KIF16B: variants seen among roughly 807,000 people sequenced by gnomAD.
KIF16B encodes the protein kinesin family member 16B.
KIF16B carries 98 observed loss-of-function variants against 156.3 expected under a neutral mutation model. The observed-to-expected ratio is 0.63, with a 90% CI of 0.53 to 0.74. The LOEUF is 0.74. Ranked by LOEUF, KIF16B falls within the 30% of genes least tolerant of loss-of-function variation. The pLI is 0.00. For missense variants in KIF16B, 1,421 were observed against 1,606.5 expected (o/e 0.88, Z 1.97); for synonymous variants, 564 against 583.7 (o/e 0.97, Z 0.49).
intron 1 of KIF16B, among the ~76,000 whole-genome samples, chr20:16,557,792 C>G (rs561588262): frequency 1.3e-5 from 2 of 152,092 alleles, no homozygotes; most frequent in African/African-American, 4.8e-5. Flanking sequence ...TGTTTGTTTC[C>G]GCTAAAATCC....
intron 25 of KIF16B, among the ~76,000 whole-genome samples, chr20:16,277,417 A>G (rs960154957): frequency 1.3e-5 from 2 of 150,838 alleles, no homozygotes; most frequent in Admixed American, 6.6e-5. Context: ...CTCAAATCTA[A>G]GCTTAGCCAA....
At chr20:16,495,084 G>C (rs968474999) in intron 11 of KIF16B, among the ~76,000 whole-genome samples, 9 of 152,174 alleles carry the variant, frequency 5.9e-5, no homozygotes, top group Non-Finnish European at 1.2e-4. Context: ...TGATATTTGA[G>C]AGGTAGAAAA....
At chr20:16,559,508 C>T (rs751313162) in intron 1 of KIF16B, among the ~76,000 whole-genome samples, 1 of 152,184 alleles carries the variant, frequency 6.6e-6, no homozygotes, top group Non-Finnish European at 1.5e-5. Context: ...CTGTTTATGC[C>T]TGTAATCCCC....
intron 16 of KIF16B, 45 bp from the exon 17 acceptor site, chr20:16,404,946 A>C (rs1467086511): frequency 7.3e-7 from 1 of 1,369,150 alleles, no homozygotes; most frequent in East Asian, 2.3e-5. Context: ...GCAGAGAAGA[A>C]AAGGCCACTG....
intron 1 of KIF16B, among the ~76,000 whole-genome samples, chr20:16,531,112 TGCTGCCCAAA>T (rs1457910154): frequency 6.6e-6 from 1 of 152,206 alleles, no homozygotes; most frequent in East Asian, 1.9e-4. Context: ...CATAAGTTCC[TGCTGCCCAAA>T]GTTGAGAAAT....
chr20:16,304,795 A>G (rs2063519097), intron 25 of KIF16B, among the ~76,000 whole-genome samples: 1 of 152,196 alleles, frequency 6.6e-6, no homozygotes. Context: ...TTACTTTGAA[A>G]CCAAAAAGGC....
intron 1 of KIF16B, among the ~76,000 whole-genome samples, chr20:16,535,489 C>G (rs942202054): frequency 6.6e-6 from 1 of 152,134 alleles, no homozygotes; most frequent in Non-Finnish European, 1.5e-5. Context: ...ATTTCTTTCT[C>G]TTGCCTCATT....
chr20:16,367,534 C>T, intron 22 of KIF16B: 2 of 1,612,882 alleles, frequency 1.2e-6, no homozygotes, highest in Middle Eastern at 1.6e-4. Context: ...TAGCGACTGG[C>T]ACTGGTCATG....
chr20:16,414,937 C>A (rs914296279), intron 15 of KIF16B, among the ~76,000 whole-genome samples: 5 of 152,048 alleles, frequency 3.3e-5, no homozygotes, highest in African/African-American at 9.7e-5. Flanking sequence ...CTAGGCTTTG[C>A]GTTAGATGAT....
At chr20:16,470,661 CTTTTTTTT>C (rs1247299482) in intron 12 of KIF16B, among the ~76,000 whole-genome samples, 1 of 136,792 alleles carries the variant, frequency 7.3e-6, no homozygotes, top group East Asian at 2.1e-4. Flanking sequence ...TTCTTTTTTT[CTTTTTTTT>C]TTTTTTTGGT....
chr20:16,424,373 T>C (rs2066302344), intron 15 of KIF16B, among the ~76,000 whole-genome samples: 1 of 152,080 alleles, frequency 6.6e-6, no homozygotes, highest in African/African-American at 2.4e-5. Flanking sequence ...AAAAGCATAA[T>C]GTCCCTGGTC....
chr20:16,467,722 A>T (rs1568568519), intron 12 of KIF16B, among the ~76,000 whole-genome samples: 1 of 151,922 alleles, frequency 6.6e-6, no homozygotes, highest in East Asian at 1.9e-4. Flanking sequence ...TAGGGGGGAA[A>T]AAAAAAACCC....
intron 15 of KIF16B, among the ~76,000 whole-genome samples, chr20:16,424,994 C>T (rs1337523979): frequency 1.3e-5 from 2 of 152,036 alleles, no homozygotes; most frequent in South Asian, 2.1e-4. Context: ...CCAATATAAA[C>T]AGATATAGAA....
At chr20:16,504,133 C>CTATT (rs2068706034) in intron 10 of KIF16B, among the ~76,000 whole-genome samples, 2 of 152,094 alleles carry the variant, frequency 1.3e-5, no homozygotes, top group African/African-American at 4.8e-5. Context: ...TAATTGATAA[C>CTATT]TATTAGAGAG....
intron 22 of KIF16B, among the ~76,000 whole-genome samples, chr20:16,360,588 TAA>T (rs1176966381): frequency 6.6e-6 from 1 of 152,130 alleles, no homozygotes; most frequent in Non-Finnish European, 1.5e-5. Flanking sequence ...TATTTAGAAA[TAA>T]AAAGTCAAGA....
intron 25 of KIF16B, among the ~76,000 whole-genome samples, chr20:16,281,004 G>A (rs1385002090): frequency 6.6e-6 from 1 of 152,058 alleles, no homozygotes; most frequent in Non-Finnish European, 1.5e-5. Flanking sequence ...TTATTAAAAA[G>A]TTTCTGTTTT....
At chr20:16,514,571 CTAAGAAA>C (rs1276683503) in intron 4 of KIF16B, among the ~76,000 whole-genome samples, 1 of 117,450 alleles carries the variant, frequency 8.5e-6, no homozygotes, top group Non-Finnish European at 1.6e-5. Context: ...AGAGCTCTCA[CTAAGAAA>C]TAAGAAAAAA....
intron 24 of KIF16B, among the ~76,000 whole-genome samples, chr20:16,331,166 A>T (rs1213477933): frequency 1.3e-5 from 2 of 152,160 alleles, no homozygotes; most frequent in Non-Finnish European, 2.9e-5. Context: ...ATTCCTACTG[A>T]GGGTTAGATT....
intron 15 of KIF16B, among the ~76,000 whole-genome samples, chr20:16,409,299 G>T (rs764019771): frequency 4.6e-5 from 7 of 152,086 alleles, no homozygotes; most frequent in Non-Finnish European, 7.4e-5. Context: ...CACCAAGAAT[G>T]AGTGACTGGA....
Sources: gnomAD v4.1 joint callset for allele counts (sites outside exome capture counted in the v4.1 genomes callset) on GRCh38, gnomAD v4.1.1 for gene constraint, MANE v1.5 for transcripts, NCBI Gene and HGNC (gene_info 2026-07-23, HGNC 2026-07-21) for gene names.